The following RBFOX1 variants were observed in gnomAD, a reference collection of about 807,000 sequenced individuals.
RBFOX1 encodes the protein RNA binding protein fox-1 homolog 1.
A neutral mutation model predicts 57.7 loss-of-function variants in RBFOX1; 8 were observed. The ratio of observed to expected loss-of-function variants is 0.14; its 90% CI spans 0.08 to 0.25. The LOEUF is 0.25. Among genes scored for constraint, RBFOX1 ranks in the 10% least tolerant of loss-of-function variants. The pLI is 1.00. For synonymous variants in RBFOX1, 326 were observed against 222.4 expected, an observed-to-expected ratio of 1.47 and a Z score of -4.15; for missense variants, 611 against 548.5, an observed-to-expected ratio of 1.11 and a Z score of -1.14.
chr16:5,816,914 G>C (rs974006724), intron 3 of RBFOX1, among the ~76,000 whole-genome samples: 2 of 152,178 alleles, frequency 1.3e-5, no homozygotes, highest in Non-Finnish European at 2.9e-5. Context: ...GAGTACCTGA[G>C]ATGTGTTGAT....
At chr16:7,686,105 A>G (rs911684803) in intron 14 of RBFOX1, among the ~76,000 whole-genome samples, 3 of 152,010 alleles carry the variant, frequency 2.0e-5, no homozygotes, top group African/African-American at 7.2e-5. Flanking sequence ...AGCCCCTCTA[A>G]GAGATCCTGA....
chr16:5,702,003 G>A (rs1440313081), intron 3 of RBFOX1, among the ~76,000 whole-genome samples: 1 of 152,172 alleles, frequency 6.6e-6, no homozygotes, highest in Non-Finnish European at 1.5e-5. Flanking sequence ...CTGGTAGAAA[G>A]TAAGAGCTCA....
intron 3 of RBFOX1, among the ~76,000 whole-genome samples, chr16:6,970,079 G>T (rs190348130): frequency 5.9e-5 from 9 of 152,116 alleles, no homozygotes; most frequent in Non-Finnish European, 1.2e-4. Context: ...TTGGGAGGCT[G>T]AGGCAGGAAG....
chr16:7,534,376 A>C (rs2080973783), intron 5 of RBFOX1, among the ~76,000 whole-genome samples: 1 of 152,028 alleles, frequency 6.6e-6, no homozygotes, highest in Non-Finnish European at 1.5e-5. Flanking sequence ...TACAGGCATG[A>C]ACCACAGTGC....
upstream of RBFOX1, among the ~76,000 whole-genome samples, chr16:6,015,686 G>A (rs866584257): frequency 1.3e-5 from 2 of 152,112 alleles, no homozygotes; most frequent in African/African-American, 2.4e-5. Flanking sequence ...ATTCTCCTTC[G>A]GGAATATCCA....
intron 3 of RBFOX1, among the ~76,000 whole-genome samples, chr16:6,944,598 C>T (rs1188348820): frequency 6.6e-6 from 1 of 152,048 alleles, no homozygotes; most frequent in Non-Finnish European, 1.5e-5. Context: ...TCTCGTAGAT[C>T]TCAGGTGGAA....
chr16:7,083,886 T>C (rs879922279), intron 4 of RBFOX1, among the ~76,000 whole-genome samples: 13 of 152,104 alleles, frequency 8.5e-5, no homozygotes, highest in African/African-American at 2.9e-4. Context: ...GGTGACTCTG[T>C]GGTGAAGCTA....
intron 1 of RBFOX1, among the ~76,000 whole-genome samples, chr16:5,431,133 C>G (rs758288035): frequency 2.0e-5 from 3 of 152,152 alleles, no homozygotes; most frequent in Non-Finnish European, 4.4e-5. Context: ...CGCAGTCACC[C>G]TGAGTGTGAC....
intron 4 of RBFOX1, among the ~76,000 whole-genome samples, chr16:7,470,573 T>C: frequency 6.6e-6 from 1 of 151,658 alleles, no homozygotes; most frequent in East Asian, 1.9e-4. Flanking sequence ...GATGAGGTGA[T>C]GGATGGATGG....
intron 3 of RBFOX1, among the ~76,000 whole-genome samples, chr16:7,024,765 A>T (rs534003001): frequency 3.9e-5 from 6 of 152,186 alleles, no homozygotes; most frequent in African/African-American, 1.2e-4. Context: ...AGTGCATTCA[A>T]TGTTGAGTTC....
At chr16:5,528,220 G>A (rs1473782823) in intron 2 of RBFOX1, among the ~76,000 whole-genome samples, 1 of 152,140 alleles carries the variant, frequency 6.6e-6, no homozygotes, top group Non-Finnish European at 1.5e-5. Flanking sequence ...GATCCACAGA[G>A]GCATTCCTTT....
At chr16:6,043,230 G>C (rs2095459664) in intron 1 of RBFOX1, among the ~76,000 whole-genome samples, 1 of 150,394 alleles carries the variant, frequency 6.6e-6, no homozygotes, top group Non-Finnish European at 1.5e-5. Flanking sequence ...AGGCTTCAGA[G>C]GGAATAGATG....
intron 3 of RBFOX1, among the ~76,000 whole-genome samples, chr16:5,709,229 G>T (rs1596877067): frequency 6.6e-6 from 1 of 152,186 alleles, no homozygotes; most frequent in African/African-American, 2.4e-5. Context: ...TGTGTAATCA[G>T]TGCCATGGTA....
chr16:7,230,453 A>G (rs2093433000), intron 4 of RBFOX1, among the ~76,000 whole-genome samples: 1 of 152,170 alleles, frequency 6.6e-6, no homozygotes, highest in Non-Finnish European at 1.5e-5. Context: ...TTTGAGATGT[A>G]GATCAGCTTT....
chr16:5,758,516 C>G (rs2053477917), intron 3 of RBFOX1, among the ~76,000 whole-genome samples: 1 of 152,120 alleles, frequency 6.6e-6, no homozygotes, highest in Admixed American at 6.6e-5. Context: ...TGGTGGTGTC[C>G]AAAGTGAGCC....
chr16:7,044,862 C>G (rs893677288), intron 3 of RBFOX1, among the ~76,000 whole-genome samples: 4 of 152,142 alleles, frequency 2.6e-5, no homozygotes, highest in East Asian at 1.9e-4. Context: ...CCTCCCCTCT[C>G]CCCACCCGGA....
intron 1 of RBFOX1, among the ~76,000 whole-genome samples, chr16:6,079,317 T>C (rs1482436793): frequency 6.6e-6 from 1 of 151,272 alleles, no homozygotes; most frequent in East Asian, 2.0e-4. Context: ...AAATAAAAAA[T>C]AAAATAAATA....
intron 3 of RBFOX1, among the ~76,000 whole-genome samples, chr16:6,904,599 T>TAAAAAAAA (rs71147623): frequency 4.7e-4 from 30 of 64,024 alleles, no homozygotes; most frequent in East Asian, 1.4e-3. Flanking sequence ...AGACTCTCTC[T>TAAAAAAAA]AAAAAAAAAA....
chr16:7,022,149 G>T (rs998387376), intron 3 of RBFOX1, among the ~76,000 whole-genome samples: 1 of 147,612 alleles, frequency 6.8e-6, no homozygotes, highest in Non-Finnish European at 1.5e-5. Context: ...TGCAACCTCT[G>T]CCTCCTGGGT....
Sources: allele counts gnomAD v4.1 joint callset (sites outside exome capture counted in the v4.1 genomes callset), GRCh38; gene constraint gnomAD v4.1.1; transcripts MANE v1.5; gene names NCBI Gene and HGNC (gene_info 2026-07-23, HGNC 2026-07-21).